Variants in PKLR observed in about 807,000 individuals in gnomAD.
PKLR encodes pyruvate kinase L/R, also known as pyruvate kinase PKLR.
Under a neutral mutation model 53.6 loss-of-function variants are expected in PKLR, and 38 were observed. The observed-to-expected ratio is 0.71, with a 90% CI of 0.55 to 0.93. The LOEUF is 0.93. Ranked by LOEUF, PKLR falls within the 40% of genes least tolerant of loss-of-function variation. The pLI, the probability that PKLR is intolerant of heterozygous loss-of-function variation, is 0.00. For missense variants in PKLR, 702 were observed against 787.3 expected, an observed-to-expected ratio of 0.89 and a Z score of 1.30; for synonymous variants, 328 against 316.2, an observed-to-expected ratio of 1.04 and a Z score of -0.39.
chr1:155,302,886 C>T (rs764751566), upstream of PKLR, among the ~76,000 whole-genome samples: 27 of 152,012 alleles, frequency 1.8e-4, no homozygotes, highest in Admixed American at 3.9e-4. Context: ...TTTCTTTCCA[C>T]AGGTGCTGAC....
At position 155,291,820 on chromosome 1, in the gene PKLR, A is replaced by T. The variant is rs749544468; in HGVS notation, c.1554T>A (p.Arg518=). Residue 518 remains arginine, a synonymous_variant, in exon 10 of 11, where the codon CGT becomes CGA. Transcript: ENST00000342741. ...CTGCCCAGATGGCTTCTGGAGGTTC[A>T]CGGTAAAGCAAGGGGAAGACTCCTC... ...LCRGVFPLLY[R]EPPEAIWADD... The T allele has an allele frequency of 8.1e-6, 13 of 1,614,014 alleles. No homozygotes were observed. The South Asian group carries it at 1.3e-4, about 16-fold the overall frequency.
intron 9 of PKLR, among the ~76,000 whole-genome samples, chr1:155,292,510 G>A (rs1397400547): frequency 1.3e-5 from 2 of 152,064 alleles, no homozygotes; most frequent in South Asian, 2.1e-4. Context: ...TGTGGCATGC[G>A]CCTGTAATCC....
chr1:155,295,189 A>G lies in PKLR; in HGVS notation c.621T>C (p.Ile207=), dbSNP rs1007177655. 8 of 1,613,948 alleles carry G rather than the reference A, an allele frequency of 5.0e-6. No individual in the cohort carries two copies. The highest frequency in any genetic ancestry group is 5.9e-6 in the Non-Finnish European group (7 of 1,179,978). The change falls in exon 5 of 11, where the codon ATT becomes ATC. Residue 207 remains isoleucine (I), a synonymous_variant. Coordinates refer to ENST00000342741, the MANE Select transcript of PKLR (RefSeq NM_000298.6). The surrounding 1 kb of genome is among the most constrained non-coding windows in gnomAD (Gnocchi z 4.3). ...GGCCCCCCACCGGCACGACCCGGAC[A>G]ATATTGGGGTAGTCCACCCACACGG... The part of the protein sequence containing the change: ...ANTVWVDYPN[I]VRVVPVGGRI...
intron 10 of PKLR, among the ~76,000 whole-genome samples, 157 bp from the exon 11 acceptor site, chr1:155,290,835 A>G (rs1034574054): frequency 2.0e-5 from 3 of 151,824 alleles, no homozygotes; most frequent in Non-Finnish European, 4.4e-5. Flanking sequence ...CTGAAAATAC[A>G]AAAATTAGCT....
chr1:155,293,089 G>C lies in PKLR; in HGVS notation c.1436+88C>G. 2 of 1,372,876 alleles carry C rather than the reference G, an allele frequency of 1.5e-6. No homozygotes were observed. Among genetic ancestry groups the C allele is most frequent in the South Asian group, 2.3e-5 (2 of 86,208 alleles). 85.0% of individuals were successfully genotyped at this position (1,372,876 alleles called of 1,614,324 possible). On this transcript the variant is annotated intron_variant, in intron 9 of 10. Transcript: ENST00000342741. The surrounding 1 kb of genome is among the most constrained non-coding windows in gnomAD (Gnocchi z 4.2). ...TCTCAGGTGGACACTCTTCACCCCT[G>C]GTGACCAGACTAAACCCAAGCCTGG...
intron 2 of PKLR, among the ~76,000 whole-genome samples, chr1:155,299,655 C>T (rs1187293433): frequency 6.6e-6 from 1 of 151,468 alleles, no homozygotes; most frequent in Admixed American, 6.6e-5. Flanking sequence ...TGCAGGCACG[C>T]ACCACCATGC....
Position 155,295,669 on chromosome 1 carries a change from T to C in PKLR, c.371A>G (p.His124Arg). The C allele has an allele frequency of 6.2e-7, 1 of 1,614,032 alleles. No individual in the cohort carries two copies. Among genetic ancestry groups the C allele is most frequent in the Non-Finnish European group, 8.5e-7 (1 of 1,179,954 alleles). Residue 124 changes from histidine to arginine, a missense_variant, in exon 3 of 11, where the codon CAC becomes CGC. Around this residue, in one of 2 missense-constraint regions of PKLR, gnomAD observed 519 missense variants for 537.1 expected, o/e 0.97. Transcript: ENST00000342741. This position sits in a 1 kb window ranked among gnomAD's most constrained non-coding sequence, Gnocchi z 4.3. The stretch of plus-strand genomic sequence containing the variant: ...GCCCGGCGGCCCGTCCCGCACCTCG[T>C]GGGAGCCGTGGGAGAAGTTGAGTCG... Reference protein sequence around the residue: ...IARLNFSHGSHEYHAESIANV... With the variant: ...IARLNFSHGSREYHAESIANV...
upstream of PKLR, among the ~76,000 whole-genome samples, chr1:155,302,132 A>G (rs2148221775): frequency 6.7e-6 from 1 of 148,234 alleles, no homozygotes; most frequent in Admixed American, 6.8e-5. Flanking sequence ...ATCTCAGTTC[A>G]TTGCAACCTC....
intron 10 of PKLR, 105 bp downstream of exon 10, chr1:155,291,651 G>A (rs1674547670): frequency 2.1e-6 from 2 of 967,190 alleles, no homozygotes; most frequent in Admixed American, 1.7e-5. Context: ...GGAAAACCTG[G>A]GACCACAGGA....
Position 155,291,772 on chromosome 1 carries a change from T to C in PKLR, c.1602A>G (p.Gln534=). The change falls in exon 10 of 11, where the codon CAA becomes CAG. Residue 534 remains glutamine (Q), a synonymous_variant. Coordinates refer to ENST00000342741, the MANE Select transcript of PKLR (RefSeq NM_000298.6). Reference sequence around the variant, plus strand: ...GTAGCTCACCACTTTCAATGCCAAATTGCACCCGGCGATCTACATCATCTG... The same window carrying C: ...GTAGCTCACCACTTTCAATGCCAAACTGCACCCGGCGATCTACATCATCTG... ...IWADDVDRRV[Q]FGIESGKLRG... 2 of 1,613,644 alleles carry C rather than the reference T, an allele frequency of 1.2e-6. No individual in the cohort carries two copies. The highest frequency in any genetic ancestry group is 1.7e-6 in the Non-Finnish European group (2 of 1,179,878).
chr1:155,299,593 G>A (rs1186301212), intron 2 of PKLR, among the ~76,000 whole-genome samples: 1 of 119,594 alleles, frequency 8.4e-6, no homozygotes, highest in Non-Finnish European at 1.6e-5. Flanking sequence ...CACAGTCTCC[G>A]CCTCCTGGGT....
At chr1:155,301,046 G>A in intron 1 of PKLR, 1 of 1,542,682 alleles carries the variant, frequency 6.5e-7, no homozygotes, top group Non-Finnish European at 8.8e-7. Flanking sequence ...TATGCCAGGG[G>A]CCAGAGTCCA....
chr1:155,303,214 A>G (rs1485758409), upstream of PKLR, among the ~76,000 whole-genome samples: 1 of 152,208 alleles, frequency 6.6e-6, no homozygotes, highest in East Asian at 1.9e-4. Context: ...TGGAATCCCA[A>G]CCAGCCCCAT....
chr1:155,303,089 T>C (rs1217990789), upstream of PKLR, among the ~76,000 whole-genome samples: 2 of 152,210 alleles, frequency 1.3e-5, no homozygotes, highest in East Asian at 3.8e-4. Flanking sequence ...CATACCTGGG[T>C]AGAACACCCT....
Position 155,293,024 on chromosome 1 carries a change from C to G in PKLR, c.1436+153G>C, listed in dbSNP as rs1647302398. On this transcript the variant is annotated intron_variant, in intron 9 of 10. Transcript: ENST00000342741. The surrounding 1 kb of genome is among the most constrained non-coding windows in gnomAD (Gnocchi z 4.2). ...CCCCAGAAGCTCACTGGCATTCTGT[C>G]TCTCCTGGCCTCCAGCTGTCATTGC... Among the ~76,000 whole-genome samples the G allele has an allele frequency of 6.6e-6, 1 of 152,194 alleles. No individual in the cohort carries two copies. Among genetic ancestry groups the G allele is most frequent in the Non-Finnish European group, 1.5e-5 (1 of 68,034 alleles).
Position 155,295,815 on chromosome 1 carries a change from C to T in PKLR, c.284-59G>A. Reference sequence around the variant, plus strand: ...CCCCAGAACATGAGAGGCAACCAAACCCAACCCATTACCATTCTCAGAACG... The same window carrying T: ...CCCCAGAACATGAGAGGCAACCAAATCCAACCCATTACCATTCTCAGAACG... On this transcript the variant is annotated intron_variant, in intron 2 of 10. Coordinates refer to ENST00000342741, the MANE Select transcript of PKLR (RefSeq NM_000298.6). This position sits in a 1 kb window ranked among gnomAD's most constrained non-coding sequence, Gnocchi z 4.3. The T allele has an allele frequency of 6.9e-7, 1 of 1,443,720 alleles. No homozygotes were observed. Among genetic ancestry groups the T allele is most frequent in the Non-Finnish European group, 9.7e-7 (1 of 1,025,748 alleles). The allele number at this position is 1,443,720 out of a possible 1,614,324, so 89.4% of individuals were successfully genotyped here.
In PKLR at chr1:155,290,499, G is replaced by A; in HGVS notation, c.*73C>T. The A allele has an allele frequency of 4.5e-6, 4 of 895,950 alleles. No individual in the cohort carries two copies. The highest frequency in any genetic ancestry group is 4.0e-5 in the South Asian group (3 of 74,334). The allele number at this position is 895,950 out of a possible 1,614,324, so 55.5% of individuals were successfully genotyped here. Reference sequence around the variant, plus strand: ...AAAGGTGGGGCTTTGGAGGGGTGTGGGCTGGAGAACGTAGACTGGGGAGGA... The same window carrying A: ...AAAGGTGGGGCTTTGGAGGGGTGTGAGCTGGAGAACGTAGACTGGGGAGGA... On this transcript the variant is annotated 3_prime_UTR_variant, in exon 11 of 11. Transcript: ENST00000342741.
At position 155,295,800 on chromosome 1, in the gene PKLR, T is replaced by G. The variant is rs750950714; in HGVS notation, c.284-44A>C. The stretch of plus-strand genomic sequence containing the variant: ...GTTCAGACAACGTTCCCCCAGAACA[T>G]GAGAGGCAACCAAACCCAACCCATT... On this transcript the variant is annotated intron_variant, in intron 2 of 10. Transcript: ENST00000342741. This position sits in a 1 kb window ranked among gnomAD's most constrained non-coding sequence, Gnocchi z 4.3. 3.2e-6 allele frequency: 5 copies of G among 1,567,402 alleles called. No homozygotes were observed. The highest frequency in any genetic ancestry group is 1.3e-5 in the African/African-American group (1 of 74,186).
intron 5 of PKLR, among the ~76,000 whole-genome samples, 180 bp from the exon 6 acceptor site, chr1:155,294,932 C>T (rs571594074): frequency 6.6e-6 from 1 of 152,230 alleles, no homozygotes; most frequent in Non-Finnish European, 1.5e-5. Flanking sequence ...AGAAACGACC[C>T]ACCCATAGTC....
Sources: gnomAD v4.1 joint callset for allele counts (sites outside exome capture counted in the v4.1 genomes callset) on GRCh38, gnomAD v4.1.1 for gene constraint, gnomAD v4.1.1 regional missense constraint, Gnocchi (gnomAD v3.1) non-coding constraint, MANE v1.5 for transcripts, NCBI Gene and HGNC (gene_info 2026-07-23, HGNC 2026-07-21) for gene names.